Variants in COMMD10 observed in about 807,000 individuals in gnomAD.
The protein encoded by COMMD10 is COMM domain-containing protein 10.
COMMD10 carries 33 observed loss-of-function variants against 28.9 expected under a neutral mutation model. That is an observed-to-expected ratio of 1.14 (90% confidence interval 0.87 to 1.53). The LOEUF is 1.53. Among genes scored for constraint, COMMD10 ranks in the 40% most tolerant of loss-of-function variants. COMMD10 has a pLI of 0.00. For synonymous variants in COMMD10, 110 were observed against 81.7 expected (o/e 1.35, Z -1.87); for missense variants, 310 against 233.4 (o/e 1.33, Z -2.14).
At chr5:116,115,058 A>G (rs539810297) in intron 4 of COMMD10, among the ~76,000 whole-genome samples, 120 of 152,278 alleles carry the variant, frequency 7.9e-4, no homozygotes, top group Middle Eastern at 3.4e-3. Flanking sequence ...GACTGGTGCT[A>G]TAGGTTCCCA....
chr5:116,248,594 G>C (rs1006308668), intron 5 of COMMD10, among the ~76,000 whole-genome samples: 18 of 151,762 alleles, frequency 1.2e-4, no homozygotes, highest in Admixed American at 5.3e-4. Context: ...ATTTGTCCTG[G>C]TCTAAAGACT....
At chr5:116,114,579 T>C (rs1327558073) in intron 4 of COMMD10, among the ~76,000 whole-genome samples, 2 of 152,180 alleles carry the variant, frequency 1.3e-5, no homozygotes, top group African/African-American at 2.4e-5. Context: ...TCCTGCATTG[T>C]GTCTCAGAGA....
intron 5 of COMMD10, among the ~76,000 whole-genome samples, chr5:116,182,014 AGTTGC>A (rs1747982838): frequency 6.6e-6 from 1 of 152,128 alleles, no homozygotes; most frequent in South Asian, 2.1e-4. Flanking sequence ...CAAATTATGT[AGTTGC>A]CAGTTGAAAT....
intron 5 of COMMD10, among the ~76,000 whole-genome samples, chr5:116,239,002 G>A (rs374079902): frequency 6.6e-6 from 1 of 151,886 alleles, no homozygotes; most frequent in African/African-American, 2.4e-5. Flanking sequence ...GCAGCATGCT[G>A]CATCAACAAG....
chr5:116,126,986 G>T (rs1324373931), intron 4 of COMMD10, among the ~76,000 whole-genome samples: 1 of 152,132 alleles, frequency 6.6e-6, no homozygotes, highest in Non-Finnish European at 1.5e-5. Context: ...GAGTGAACAG[G>T]CAACCTACAG....
At chr5:116,270,764 C>G (rs1324879262) in intron 5 of COMMD10, among the ~76,000 whole-genome samples, 2 of 151,662 alleles carry the variant, frequency 1.3e-5, no homozygotes, top group South Asian at 2.1e-4. Flanking sequence ...TGGTGAAACC[C>G]CATCTCTACT....
intron 5 of COMMD10, among the ~76,000 whole-genome samples, chr5:116,236,878 A>T (rs1011720816): frequency 2.0e-5 from 3 of 152,102 alleles, no homozygotes; most frequent in African/African-American, 7.2e-5. Flanking sequence ...CTGGTGGGGG[A>T]TACTGATAAT....
chr5:116,283,063 T>C (rs1369812862), intron 5 of COMMD10, among the ~76,000 whole-genome samples: 1 of 151,908 alleles, frequency 6.6e-6, no homozygotes, highest in Non-Finnish European at 1.5e-5. Flanking sequence ...TATCCTGCTT[T>C]ATTCTCCCTT....
chr5:116,217,842 C>T (rs185454598), intron 5 of COMMD10, among the ~76,000 whole-genome samples: 2 of 152,160 alleles, frequency 1.3e-5, no homozygotes, highest in Non-Finnish European at 2.9e-5. Flanking sequence ...GCTTCGAAGA[C>T]ACCCTATTAG....
At chr5:116,176,811 C>T (rs1753527995) in intron 5 of COMMD10, among the ~76,000 whole-genome samples, 1 of 151,974 alleles carries the variant, frequency 6.6e-6, no homozygotes, top group South Asian at 2.1e-4. Context: ...TAATTTTAAA[C>T]AGGGGAAGTT....
At chr5:116,250,511 G>A (rs1750081363) in intron 5 of COMMD10, among the ~76,000 whole-genome samples, 1 of 151,386 alleles carries the variant, frequency 6.6e-6, no homozygotes, top group Admixed American at 6.6e-5. Flanking sequence ...GAAGATGGAG[G>A]GCTGAGCATA....
chr5:116,201,536 C>T (rs1400491998), intron 5 of COMMD10, among the ~76,000 whole-genome samples: 1 of 152,176 alleles, frequency 6.6e-6, no homozygotes, highest in African/African-American at 2.4e-5. Context: ...TTACATCTGT[C>T]TCTCCAATCT....
chr5:116,255,919 A>G (rs1361472388), intron 5 of COMMD10: 1 of 151,508 alleles, frequency 6.6e-6, no homozygotes, highest in Non-Finnish European at 1.5e-5. Flanking sequence ...TAGTAGTGGG[A>G]ATTGAATGTA....
intron 5 of COMMD10, among the ~76,000 whole-genome samples, chr5:116,153,489 T>A (rs576763788): frequency 6.6e-6 from 1 of 152,238 alleles, no homozygotes; most frequent in Admixed American, 6.6e-5. Flanking sequence ...ACAGTAATCA[T>A]CATACCTGAT....
intron 5 of COMMD10, among the ~76,000 whole-genome samples, chr5:116,165,990 T>A (rs890254055): frequency 1.3e-5 from 2 of 152,304 alleles, no homozygotes; most frequent in South Asian, 4.1e-4. Context: ...GTAACATGAA[T>A]TGAGGTGGGT....
chr5:116,291,614 T>A (rs763642634), intron 6 of COMMD10, 38 bp downstream of exon 6: 1 of 1,163,016 alleles, frequency 8.6e-7, no homozygotes, highest in Non-Finnish European at 1.2e-6. Context: ...TATGTGGAGT[T>A]TTTTTCATAA....
chr5:116,101,507 A>G (rs1037723215), intron 4 of COMMD10, among the ~76,000 whole-genome samples: 1 of 151,878 alleles, frequency 6.6e-6, no homozygotes, highest in Non-Finnish European at 1.5e-5. Context: ...GCTCACTGCA[A>G]CCTCCGCCTC....
At position 116,204,502 on chromosome 5, in the gene COMMD10, A is replaced by C. The variant is rs1025620923; in HGVS notation, c.510+70324A>C. Among the ~76,000 whole-genome samples, 4 of 152,040 alleles carry C rather than the reference A, an allele frequency of 2.6e-5. No individual in the cohort carries two copies. The East Asian group carries it at 7.7e-4, about 29-fold the overall frequency. On this transcript the variant is annotated intron_variant, in intron 5 of 6. Transcript: ENST00000274458. ...TGGTTCCTGATGGTACTGAATATTA[A>C]GAAGATTATCTGCCATTTTTGAGGA...
intron 4 of COMMD10, among the ~76,000 whole-genome samples, chr5:116,105,791 G>T (rs1390374525): frequency 6.6e-6 from 1 of 152,152 alleles, no homozygotes; most frequent in African/African-American, 2.4e-5. Flanking sequence ...ATTTCTGTGG[G>T]ATCAGTGGTG....
Sources: allele counts gnomAD v4.1 joint callset (sites outside exome capture counted in the v4.1 genomes callset), GRCh38; gene constraint gnomAD v4.1.1; transcripts MANE v1.5; gene names NCBI Gene and HGNC (gene_info 2026-07-23, HGNC 2026-07-21).